ILRUN: variants seen among roughly 807,000 people sequenced by gnomAD.
The protein encoded by ILRUN is inflammation and lipid regulator with UBA-like and NBR1-like domains.
In ILRUN, 3 loss-of-function variants were observed where a neutral mutation model predicts 33.8. That is an observed-to-expected ratio of 0.09 (90% CI 0.04 to 0.23). The LOEUF (loss-of-function observed/expected upper bound fraction) is 0.23. Ranked by LOEUF, ILRUN falls within the 10% of genes least tolerant of loss-of-function variation. ILRUN has a pLI of 1.00. For missense variants in ILRUN, 210 were observed against 375.1 expected, an observed-to-expected ratio of 0.56 and a Z score of 3.64; for synonymous variants, 124 against 138.9, an observed-to-expected ratio of 0.89 and a Z score of 0.75.
intron 4 of ILRUN, among the ~76,000 whole-genome samples, chr6:34,600,431 G>A (rs574201537): frequency 6.6e-6 from 1 of 152,294 alleles, no homozygotes; most frequent in African/African-American, 2.4e-5. Flanking sequence ...TAAAGGAACT[G>A]TAGGACAGCC....
At chr6:34,643,382 C>A (rs1300986200) in intron 3 of ILRUN, among the ~76,000 whole-genome samples, 1 of 151,990 alleles carries the variant, frequency 6.6e-6, no homozygotes, top group Non-Finnish European at 1.5e-5. Context: ...AGATCTACTC[C>A]ACTATGACAA....
intron 1 of ILRUN, among the ~76,000 whole-genome samples, chr6:34,682,041 C>CTTTTTTTTTTTTTTTTTTTTTTTT (rs552894159): frequency 1.1e-5 from 1 of 90,570 alleles, no homozygotes; most frequent in African/African-American, 4.2e-5. Context: ...TATTTTTTTA[C>CTTTTTTTTTTTTTTTTTTTTTTTT]TTTTTTTTTT....
intron 4 of ILRUN, among the ~76,000 whole-genome samples, chr6:34,594,242 T>C (rs2127307588): frequency 6.6e-6 from 1 of 152,290 alleles, no homozygotes; most frequent in South Asian, 2.1e-4. Flanking sequence ...GCATATGCAT[T>C]AGATGGTACC....
At chr6:34,594,773 G>A (rs1410339086) in intron 4 of ILRUN, among the ~76,000 whole-genome samples, 1 of 152,192 alleles carries the variant, frequency 6.6e-6, no homozygotes, top group East Asian at 1.9e-4. Flanking sequence ...TTTGCCTTAG[G>A]CCAGCTGATT....
Position 34,646,619 on chromosome 6 carries a change from T to A in ILRUN, c.493A>T (p.Thr165Ser). The change falls in exon 3 of 5, where the codon ACA (threonine) becomes TCA (serine). Residue 165 changes from threonine (T) to serine (S), a missense_variant. Thr to Ser is a moderately conservative substitution (Grantham distance 58). Transcript: ENST00000374023. The surrounding 1 kb of genome is among the most constrained non-coding windows in gnomAD (Gnocchi z 4.9). ...YQGQWRMCTA[T>S]GLYYGDVIWV... ...TACTCACCTCCATAGTAGAGTCCTGTAGCAGTGCACATCCGCCACTGTCCC... is the reference window on the plus strand; with the variant it reads ...TACTCACCTCCATAGTAGAGTCCTGAAGCAGTGCACATCCGCCACTGTCCC... 1 of 1,614,088 alleles carries A rather than the reference T, an allele frequency of 6.2e-7. No individual in the cohort carries two copies. Among genetic ancestry groups the A allele is most frequent in the Non-Finnish European group, 8.5e-7 (1 of 1,180,010 alleles).
intron 1 of ILRUN, among the ~76,000 whole-genome samples, chr6:34,665,454 A>G (rs1036318114): frequency 6.6e-6 from 1 of 152,112 alleles, no homozygotes; most frequent in Non-Finnish European, 1.5e-5. Flanking sequence ...AAAAAGAGAC[A>G]GAGAGAGAAG....
chr6:34,692,326 T>C (rs1371838769), intron 1 of ILRUN, among the ~76,000 whole-genome samples: 1 of 152,172 alleles, frequency 6.6e-6, no homozygotes, highest in East Asian at 1.9e-4. Flanking sequence ...TTTACCACAT[T>C]ATTTTCTAAT....
intron 1 of ILRUN, among the ~76,000 whole-genome samples, chr6:34,682,191 G>A (rs1298864435): frequency 6.8e-6 from 1 of 148,082 alleles, no homozygotes; most frequent in Non-Finnish European, 1.5e-5. Flanking sequence ...TTAAGACAGG[G>A]TCTTGCTCTG....
intron 3 of ILRUN, among the ~76,000 whole-genome samples, chr6:34,613,480 G>A (rs1246843061): frequency 6.6e-6 from 1 of 152,138 alleles, no homozygotes; most frequent in African/African-American, 2.4e-5. Flanking sequence ...AAATAAAATA[G>A]TAAAAATCAG....
rs1406035882 is a variant in ILRUN at position 34,592,954 on chromosome 6, G to A, written c.862-2354C>T. Reference sequence around the variant, plus strand: ...TTTGGGAGGCCCAGGCGGGAGAACTGCTTGAGGTGAGGAGTTAGGAGATCA... The same window carrying A: ...TTTGGGAGGCCCAGGCGGGAGAACTACTTGAGGTGAGGAGTTAGGAGATCA... On this transcript the variant is annotated intron_variant, in intron 4 of 4. Coordinates refer to ENST00000374023, the MANE Select transcript of ILRUN (RefSeq NM_024294.4). This position sits in a 1 kb window ranked among gnomAD's most constrained non-coding sequence, Gnocchi z 4.0. Among the ~76,000 whole-genome samples the A allele has an allele frequency of 6.6e-6, 1 of 152,154 alleles. No individual in the cohort carries two copies. Among genetic ancestry groups the A allele is most frequent in the Non-Finnish European group, 1.5e-5 (1 of 68,018 alleles).
At position 34,696,509 on chromosome 6, in the gene ILRUN, T is replaced by C; in HGVS notation, c.95A>G (p.Gln32Arg). 1 of 1,612,844 alleles carries C rather than the reference T, an allele frequency of 6.2e-7. No individual in the cohort carries two copies. Among genetic ancestry groups the C allele is most frequent in the Non-Finnish European group, 8.5e-7 (1 of 1,179,630 alleles). ...ATTGAGCTGGAAGCCGAGCAGCCTC[T>C]GGAACTCGGAGATGAGCACGTCCTT... ...TDKDVLISEF[Q>R]RLLGFQLNPA... The change falls in exon 1 of 5, where the codon CAG becomes CGG. Residue 32 changes from glutamine (Q) to arginine (R), a missense_variant. Transcript: ENST00000374023.
chr6:34,685,987 C>T (rs1267414422), intron 1 of ILRUN, among the ~76,000 whole-genome samples: 1 of 151,942 alleles, frequency 6.6e-6, no homozygotes, highest in East Asian at 1.9e-4. Context: ...TAGCAGAAAA[C>T]AAAGGGATAA....
chr6:34,599,331 T>G (rs778764296), intron 4 of ILRUN, among the ~76,000 whole-genome samples: 1 of 152,324 alleles, frequency 6.6e-6, no homozygotes, highest in Non-Finnish European at 1.5e-5. Context: ...GGTTTACATG[T>G]TAGACAGATA....
chr6:34,627,724 A>G (rs1381722808), intron 3 of ILRUN, among the ~76,000 whole-genome samples: 1 of 137,182 alleles, frequency 7.3e-6, no homozygotes, highest in Non-Finnish European at 1.5e-5. Flanking sequence ...TTTTTTTGAG[A>G]CAGAGTTTCG....
intron 3 of ILRUN, among the ~76,000 whole-genome samples, chr6:34,632,318 A>G (rs544948171): frequency 7.9e-5 from 12 of 152,168 alleles, no homozygotes; most frequent in African/African-American, 2.6e-4. Context: ...GCACACGCCT[A>G]TAGTCCTAGC....
chr6:34,656,199 G>A (rs1219629320), intron 1 of ILRUN, among the ~76,000 whole-genome samples: 1 of 138,636 alleles, frequency 7.2e-6, no homozygotes, highest in East Asian at 2.1e-4. Flanking sequence ...TAGCACCATT[G>A]CACTCCAGCC....
Position 34,633,880 on chromosome 6 carries a change from AGAGGGAGGGAGGGAGGGAGGGAGG to A in ILRUN, c.511+12697_511+12720del, listed in dbSNP as rs750015797. 1.2e-4 allele frequency among the ~76,000 whole-genome samples: 8 copies of A among 64,862 alleles called. 1 individual carries two copies. The highest frequency in any genetic ancestry group is 2.8e-4 in the African/African-American group (4 of 14,376). 42.6% of individuals were successfully genotyped at this position (64,862 alleles called of 152,430 possible). A position where few individuals can be genotyped will look rare whatever the true frequency, so the allele number is the denominator to read the frequency against. ...GGAGGGGAGGGAGACATGGAGGGAG[AGAGGGAGGGAGGGAGGGAGGGAGG>A]GAGGGAGGGAGGGAGGGAATGAAAT... On this transcript the variant is annotated intron_variant, in intron 3 of 4. Coordinates refer to ENST00000374023, the MANE Select transcript of ILRUN (RefSeq NM_024294.4).
intron 2 of ILRUN, among the ~76,000 whole-genome samples, chr6:34,650,566 G>A (rs1762644838): frequency 6.6e-6 from 1 of 151,902 alleles, no homozygotes; most frequent in Non-Finnish European, 1.5e-5. Context: ...GAATACGTGG[G>A]ATTACAGGCG....
At chr6:34,620,530 A>G (rs1761992687) in intron 3 of ILRUN, among the ~76,000 whole-genome samples, 1 of 152,230 alleles carries the variant, frequency 6.6e-6, no homozygotes, top group East Asian at 1.9e-4. Flanking sequence ...TTAACATTTA[A>G]TATTGCTAAT....
Sources: allele counts gnomAD v4.1 joint callset (sites outside exome capture counted in the v4.1 genomes callset), GRCh38; gene constraint gnomAD v4.1.1; non-coding constraint Gnocchi (gnomAD v3.1); transcripts MANE v1.5; gene names NCBI Gene and HGNC (gene_info 2026-07-23, HGNC 2026-07-21).